The following CACNA2D3 variants were observed in gnomAD, a reference collection of about 807,000 sequenced individuals.
CACNA2D3 encodes voltage-dependent calcium channel subunit alpha-2/delta-3.
A neutral mutation model predicts 160.6 loss-of-function variants in CACNA2D3; 60 were observed. The observed-to-expected ratio is 0.37, with a 90% CI of 0.30 to 0.46. CACNA2D3 has a LOEUF of 0.46. Among genes scored for constraint, CACNA2D3 ranks in the 20% least tolerant of loss-of-function variants. The probability of loss-of-function intolerance (pLI) is 1.00; values close to 1 mark genes in which losing one functional copy is unlikely to be tolerated. For synonymous variants in CACNA2D3, 558 were observed against 492.9 expected (o/e 1.13, Z -1.75); for missense variants, 1,205 against 1,365.0 (o/e 0.88, Z 1.85).
chr3:54,376,967 G>A (rs1169002665), intron 3 of CACNA2D3, among the ~76,000 whole-genome samples: 1 of 152,152 alleles, frequency 6.6e-6, no homozygotes, highest in East Asian at 1.9e-4. Flanking sequence ...ATCTTGAGAA[G>A]GTAAAGTCTG....
chr3:54,543,022 C>G (rs1191760960), intron 5 of CACNA2D3, among the ~76,000 whole-genome samples: 1 of 152,224 alleles, frequency 6.6e-6, no homozygotes, highest in Non-Finnish European at 1.5e-5. Context: ...ATAGTGAAGA[C>G]ACAGGCTTCA....
chr3:54,295,055 A>G (rs1349745602), intron 2 of CACNA2D3, among the ~76,000 whole-genome samples: 2 of 152,180 alleles, frequency 1.3e-5, no homozygotes, highest in Non-Finnish European at 1.5e-5. Context: ...GTGCCAGTCA[A>G]AGGCTGTATG....
At chr3:54,171,074 C>T (rs1700555949) in intron 2 of CACNA2D3, among the ~76,000 whole-genome samples, 2 of 144,414 alleles carry the variant, frequency 1.4e-5, no homozygotes, top group South Asian at 4.4e-4. Flanking sequence ...TTGAGGATTC[C>T]CTATTTTAGG....
chr3:54,822,802 T>TCTTTCTTTCCTTCCTTCCTTC (rs1703658608), intron 14 of CACNA2D3, among the ~76,000 whole-genome samples: 1 of 92,450 alleles, frequency 1.1e-5, no homozygotes, highest in Non-Finnish European at 2.1e-5. Flanking sequence ...TTTCTTTCTT[T>TCTTTCTTTCCTTCCTTCCTTC]CTTTCTTTCT....
chr3:55,053,295 AT>A (rs1296861189), intron 35 of CACNA2D3, among the ~76,000 whole-genome samples: 2 of 151,982 alleles, frequency 1.3e-5, no homozygotes, highest in Non-Finnish European at 2.9e-5. Flanking sequence ...ATACCATTTA[AT>A]TATTTTGAGA....
At chr3:54,242,001 A>G (rs1701982922) in intron 2 of CACNA2D3, among the ~76,000 whole-genome samples, 1 of 152,190 alleles carries the variant, frequency 6.6e-6, no homozygotes, top group Non-Finnish European at 1.5e-5. Context: ...CCCCCAGTGG[A>G]TTCCTGAAAA....
chr3:54,907,505 C>T (rs965707525), intron 27 of CACNA2D3, among the ~76,000 whole-genome samples: 6 of 152,130 alleles, frequency 3.9e-5, no homozygotes, highest in African/African-American at 1.4e-4. Context: ...TAAATGCTTA[C>T]ATCTGGGTGG....
intron 14 of CACNA2D3, among the ~76,000 whole-genome samples, chr3:54,836,430 T>A (rs1421408044): frequency 6.6e-6 from 1 of 151,790 alleles, no homozygotes; most frequent in Non-Finnish European, 1.5e-5. Context: ...GAGACGGGGT[T>A]TCACCATGTT....
At chr3:54,232,124 G>A (rs1441881332) in intron 2 of CACNA2D3, among the ~76,000 whole-genome samples, 1 of 152,234 alleles carries the variant, frequency 6.6e-6, no homozygotes, top group East Asian at 1.9e-4. Flanking sequence ...ATGATACACA[G>A]GTGTGCTGTG....
intron 14 of CACNA2D3, among the ~76,000 whole-genome samples, chr3:54,821,637 T>TTTTG: frequency 6.8e-6 from 1 of 147,876 alleles, no homozygotes; most frequent in South Asian, 2.2e-4. Context: ...TTCTAGAGTC[T>TTTTG]TTCGTTCTTT....
At chr3:54,878,721 A>G (rs1233878599) in intron 18 of CACNA2D3, 2 of 255,782 alleles carry the variant, frequency 7.8e-6, no homozygotes, top group Non-Finnish European at 1.5e-5. Flanking sequence ...TCGGCATTTC[A>G]GCGGGTCTCC....
intron 13 of CACNA2D3, among the ~76,000 whole-genome samples, chr3:54,811,357 C>T (rs1703307880): frequency 6.6e-6 from 1 of 151,702 alleles, no homozygotes; most frequent in African/African-American, 2.4e-5. Flanking sequence ...TTTTATGTCT[C>T]TTCTATCATG....
rs1553785965 is a variant in CACNA2D3 at position 54,689,010 on chromosome 3, A to AAAAAAAAAAAAAAAAAAAGAG, written c.1167+46770_1167+46771insAAAAAAAAAAAAAAAAAGAGA. On this transcript the variant is annotated intron_variant, in intron 11 of 37. Coordinates refer to ENST00000474759, the MANE Select transcript of CACNA2D3 (RefSeq NM_018398.3). ...AAAAAAAAAAAAAAAAAAAAAAAAAAAGAATGAGGTTGTATACATAAAGCA... is the reference window on the plus strand; with the variant it reads ...AAAAAAAAAAAAAAAAAAAAAAAAAAAAAAAAAAAAAAAAAAAAGAGAGAATGAGGTTGTATACATAAAGCA... Among the ~76,000 whole-genome samples, 2 of 85,496 alleles carry AAAAAAAAAAAAAAAAAAAGAG rather than the reference A, an allele frequency of 2.3e-5. 1 individual carries two copies. Among genetic ancestry groups the AAAAAAAAAAAAAAAAAAAGAG allele is most frequent in the Non-Finnish European group, 4.4e-5 (2 of 45,154 alleles). The allele number at this position is 85,496 out of a possible 152,430, so 56.1% of individuals were successfully genotyped here.
rs367571999 is a variant in CACNA2D3, at chr3:54,266,916, C to CT, written c.205-53517dup. ...AGGGAGAGCATGGAGGGGACAGTGG[C>CT]TTTTTTTTTGCAACACTTCTCTGTC... On this transcript the variant is annotated intron_variant, in intron 2 of 37. Transcript: ENST00000474759. Among the ~76,000 whole-genome samples, 724 of 150,932 alleles carry CT rather than the reference C, an allele frequency of 4.8e-3. 6 individuals are homozygous for CT. The highest frequency in any genetic ancestry group is 0.015 in the African/African-American group (610 of 41,122).
intron 5 of CACNA2D3, among the ~76,000 whole-genome samples, chr3:54,547,066 T>G (rs140765182): frequency 2.6e-5 from 4 of 152,216 alleles, no homozygotes; most frequent in African/African-American, 4.8e-5. Context: ...AGCTGAGTCA[T>G]TTGGTCTCAT....
intron 27 of CACNA2D3, among the ~76,000 whole-genome samples, chr3:54,920,098 G>C (rs1217222377): frequency 6.6e-6 from 1 of 152,230 alleles, no homozygotes; most frequent in Non-Finnish European, 1.5e-5. Context: ...AGTTAGCAAA[G>C]TTAGATTGGA....
At chr3:54,168,156 C>G (rs115838476) in intron 2 of CACNA2D3, among the ~76,000 whole-genome samples, 338 of 152,220 alleles carry the variant, frequency 2.2e-3, no homozygotes, top group African/African-American at 8.0e-3. Context: ...TTCCTTGTGA[C>G]TGAAAGAAGA....
intron 29 of CACNA2D3, among the ~76,000 whole-genome samples, chr3:54,977,832 A>G (rs1252353792): frequency 6.6e-6 from 1 of 152,228 alleles, no homozygotes; most frequent in Non-Finnish European, 1.5e-5. Context: ...GTAAACTGAA[A>G]ACAAGTTTAT....
intron 35 of CACNA2D3, among the ~76,000 whole-genome samples, chr3:55,037,353 A>T (rs1289223072): frequency 6.6e-6 from 1 of 152,210 alleles, no homozygotes; most frequent in Non-Finnish European, 1.5e-5. Flanking sequence ...AGTTGAACTT[A>T]TGGAAAATGA....
Sources: gnomAD v4.1 joint callset for allele counts (sites outside exome capture counted in the v4.1 genomes callset) on GRCh38, gnomAD v4.1.1 for gene constraint, MANE v1.5 for transcripts, NCBI Gene and HGNC (gene_info 2026-07-23, HGNC 2026-07-21) for gene names.